Variants in GDAP1L1 observed in about 807,000 individuals in gnomAD.
GDAP1L1 encodes ganglioside-induced differentiation-associated protein 1-like 1.
GDAP1L1 carries 21 observed loss-of-function variants against 37.1 expected under a neutral mutation model. The observed-to-expected ratio is 0.57, with a 90% CI of 0.40 to 0.81. The LOEUF is 0.81. Among genes scored for constraint, GDAP1L1 ranks in the 40% least tolerant of loss-of-function variants. The probability of loss-of-function intolerance (pLI) is 0.00; values close to 1 mark genes in which losing one functional copy is unlikely to be tolerated. For synonymous variants in GDAP1L1, 193 were observed against 209.1 expected (o/e 0.92, Z 0.67); for missense variants, 362 against 491.6 (o/e 0.74, Z 2.49).
chr20:44,277,703 A>C (rs1306878464), intron 5 of GDAP1L1, among the ~76,000 whole-genome samples: 1 of 152,178 alleles, frequency 6.6e-6, no homozygotes, highest in East Asian at 1.9e-4. Flanking sequence ...AAACAGGGAA[A>C]CCTTTTAAAA....
chr20:44,262,233 G>A (rs2073686323), intron 3 of GDAP1L1, among the ~76,000 whole-genome samples: 1 of 152,080 alleles, frequency 6.6e-6, no homozygotes, highest in African/African-American at 2.4e-5. Context: ...GAGGGTGGGT[G>A]AAACCATCTA....
intron 5 of GDAP1L1, among the ~76,000 whole-genome samples, chr20:44,276,444 G>GAAAGAAAGAAAGAAAGA (rs1568659598): frequency 7.7e-6 from 1 of 129,092 alleles, no homozygotes; most frequent in Non-Finnish European, 1.7e-5. Flanking sequence ...AAGAAAGAAA[G>GAAAGAAAGAAAGAAAGA]AAAGAAAGAA....
At chr20:44,263,737 G>A (rs1160961697) in intron 4 of GDAP1L1, among the ~76,000 whole-genome samples, 3 of 152,150 alleles carry the variant, frequency 2.0e-5, no homozygotes, top group South Asian at 2.1e-4. Context: ...CCAGTTACTC[G>A]GGAGGCTGAG....
chr20:44,277,430 T>C (rs1204488109), intron 5 of GDAP1L1, among the ~76,000 whole-genome samples: 2 of 152,096 alleles, frequency 1.3e-5, no homozygotes, highest in Non-Finnish European at 2.9e-5. Flanking sequence ...GTCCCTGATG[T>C]GAGGAGTTGC....
At chr20:44,276,087 C>T (rs8124732) in intron 5 of GDAP1L1, among the ~76,000 whole-genome samples, 3 of 151,362 alleles carry the variant, frequency 2.0e-5, no homozygotes, top group East Asian at 1.9e-4. Context: ...TTTGGGATGC[C>T]GAGGCAGGCG....
In GDAP1L1 at chr20:44,280,380, CT is replaced by C. The variant is rs2062628573; in HGVS notation, c.*1084del. The C allele has an allele frequency of 6.5e-6, 1 of 153,674 alleles. No homozygotes were observed. Among genetic ancestry groups the C allele is most frequent in the Non-Finnish European group, 1.5e-5 (1 of 68,812 alleles). 9.5% of individuals were successfully genotyped at this position (153,674 alleles called of 1,614,324 possible). ...ATAAAGCATCCAGGAGGAACAGTTG[CT>C]TTTCATTTCTAAACCTGTGCTGTCC... On this transcript the variant is annotated 3_prime_UTR_variant, in exon 6 of 6. Transcript: ENST00000342560.
At chr20:44,261,046 G>A (rs1191041695) in intron 3 of GDAP1L1, among the ~76,000 whole-genome samples, 4 of 152,196 alleles carry the variant, frequency 2.6e-5, no homozygotes, top group African/African-American at 7.2e-5. Flanking sequence ...CCATTTGAAG[G>A]TGCCTAGAAG....
chr20:44,248,987 G>T (rs1015400221), intron 1 of GDAP1L1, among the ~76,000 whole-genome samples: 1 of 152,100 alleles, frequency 6.6e-6, no homozygotes, highest in Non-Finnish European at 1.5e-5. Context: ...AAGTACTGAT[G>T]ATGGCAGTGC....
rs773973020 is a variant in GDAP1L1 at position 44,259,022 on chromosome 20, G to T, written c.547+415G>T. ...TGTCCCCACAAGGTTTGTTCTCCCCGCACGAGTTTCAGCCTTAGACAGTCA... is the reference window on the plus strand; with the variant it reads ...TGTCCCCACAAGGTTTGTTCTCCCCTCACGAGTTTCAGCCTTAGACAGTCA... On this transcript the variant is annotated intron_variant, in intron 3 of 5. Coordinates refer to ENST00000342560, the MANE Select transcript of GDAP1L1 (RefSeq NM_024034.6). Among the ~76,000 whole-genome samples, 4 of 138,744 alleles carry T rather than the reference G, an allele frequency of 2.9e-5. No homozygotes were observed. In the East Asian group the frequency reaches 9.4e-4, roughly 32 times the overall value. The allele number at this position is 138,744 out of a possible 152,430, so 91.0% of individuals were successfully genotyped here.
intron 3 of GDAP1L1, among the ~76,000 whole-genome samples, 165 bp downstream of exon 3, chr20:44,258,772 G>T (rs544902107): frequency 4.0e-5 from 6 of 151,834 alleles, no homozygotes; most frequent in East Asian, 1.9e-4. Flanking sequence ...CTGAGTGCTC[G>T]GGGTTGGTTT....
upstream of GDAP1L1, chr20:44,247,277 C>T: frequency 6.4e-7 from 1 of 1,560,924 alleles, no homozygotes. Flanking sequence ...TGATGCTGGG[C>T]GAGAGAGAGC....
Position 44,253,383 on chromosome 20 carries a change from C to T in GDAP1L1, c.181-3770C>T, listed in dbSNP as rs143547177. 9.9e-5 allele frequency among the ~76,000 whole-genome samples: 15 copies of T among 152,270 alleles called. No individual in the cohort carries two copies. In the East Asian group the frequency reaches 2.9e-3, roughly 29 times the overall value. On this transcript the variant is annotated intron_variant, in intron 1 of 5. Coordinates refer to ENST00000342560, the MANE Select transcript of GDAP1L1 (RefSeq NM_024034.6). ...TTGATTCTGTAAATCTAAAACTGCT[C>T]TAAAAATAAGGCCTACTAATTTTTT...
chr20:44,261,561 A>G (rs546293495), intron 3 of GDAP1L1, among the ~76,000 whole-genome samples: 1 of 152,344 alleles, frequency 6.6e-6, no homozygotes, highest in South Asian at 2.1e-4. Flanking sequence ...AATCTGACAT[A>G]GCCACTGCTC....
intron 2 of GDAP1L1, among the ~76,000 whole-genome samples, chr20:44,258,026 G>T (rs546920758): frequency 6.6e-6 from 1 of 152,282 alleles, no homozygotes; most frequent in South Asian, 2.1e-4. Flanking sequence ...GGAACTTACT[G>T]CCCATTGCAT....
rs373706129 is a variant in GDAP1L1, at chr20:44,279,329, G to T, written c.*29G>T. ...CAGGCCTGGGGCTTGGTGTCTGACT[G>T]TCGGTGTCTCTGTGCTGTGTGATTC... On this transcript the variant is annotated 3_prime_UTR_variant, in exon 6 of 6. Transcript: ENST00000342560. 7 of 1,416,326 alleles carry T rather than the reference G, an allele frequency of 4.9e-6. No individual in the cohort carries two copies. The highest frequency in any genetic ancestry group is 6.9e-6 in the Non-Finnish European group (7 of 1,009,804). 87.7% of individuals were successfully genotyped at this position (1,416,326 alleles called of 1,614,324 possible).
intron 5 of GDAP1L1, 136 bp from the exon 6 acceptor site, chr20:44,278,821 C>T (rs1310200396): frequency 3.3e-6 from 2 of 607,326 alleles, no homozygotes; most frequent in Non-Finnish European, 5.9e-6. Flanking sequence ...GCAAAAATCA[C>T]TGAAGTTGTA....
chr20:44,266,153 C>T (rs2073758487), intron 5 of GDAP1L1, among the ~76,000 whole-genome samples: 1 of 152,100 alleles, frequency 6.6e-6, no homozygotes, highest in African/African-American at 2.4e-5. Context: ...ACTAAAAATA[C>T]AAAAACTAGC....
chr20:44,258,457 G>A lies in GDAP1L1; in HGVS notation c.397G>A (p.Glu133Lys), dbSNP rs750011361. ...AGAGCACGTGGTGGCCCTGATGCCC[G>A]AGGTGGGCAGCCTGCAGCACGCACG... is the stretch of plus-strand genomic sequence containing the variant. ...TGEHVVALMP[E>K]VGSLQHARVL... Residue 133 changes from glutamate (E) to lysine (K), a missense_variant, in exon 3 of 6, where the codon GAG becomes AAG. This residue lies in a region of GDAP1L1 where 277 missense variants were observed against 337.1 expected (regional missense o/e 0.82). Transcript: ENST00000342560. 4.1e-5 allele frequency: 64 copies of A among 1,552,404 alleles called. 1 individual carries two copies. The highest frequency in any genetic ancestry group is 2.3e-4 in the African/African-American group (17 of 73,162).
chr20:44,271,199 G>A (rs1051549033), intron 5 of GDAP1L1, among the ~76,000 whole-genome samples: 3 of 152,198 alleles, frequency 2.0e-5, no homozygotes, highest in Admixed American at 2.0e-4. Context: ...AGGAGGTTGA[G>A]GCTGCAGTGA....
Sources: gnomAD v4.1 joint callset for allele counts (sites outside exome capture counted in the v4.1 genomes callset) on GRCh38, gnomAD v4.1.1 for gene constraint, gnomAD v4.1.1 regional missense constraint, MANE v1.5 for transcripts, NCBI Gene and HGNC (gene_info 2026-07-23, HGNC 2026-07-21) for gene names.